The following NUP42 variants were observed in gnomAD, a reference collection of about 807,000 sequenced individuals.
The protein encoded by NUP42 is nucleoporin 42.
A neutral mutation model predicts 35.9 loss-of-function variants in NUP42; 47 were observed. That is an observed-to-expected ratio of 1.31 (90% confidence interval 1.04 to 1.67). NUP42 has a LOEUF of 1.67. Ranked by LOEUF, NUP42 falls within the 40% of genes most tolerant of loss-of-function variation. The probability of loss-of-function intolerance (pLI) is 0.00; values close to 1 mark genes in which losing one functional copy is unlikely to be tolerated. For missense variants in NUP42, 514 were observed against 492.2 expected (o/e 1.04, Z -0.42); for synonymous variants, 173 against 173.3 (o/e 1.00, Z 0.01).
At chr7:23,192,566 AAAAG>A (rs373011476) in intron 3 of NUP42, among the ~76,000 whole-genome samples, 14 of 151,178 alleles carry the variant, frequency 9.3e-5, no homozygotes, top group South Asian at 2.1e-4. Flanking sequence ...AAAAAAAAGA[AAAAG>A]AAAATCATAA....
At chr7:23,187,199 A>G (rs1785623859) in intron 3 of NUP42, 53 bp downstream of exon 3, 3 of 1,234,088 alleles carry the variant, frequency 2.4e-6, no homozygotes, top group South Asian at 1.3e-5. Flanking sequence ...ATTATTTTCT[A>G]AAACCAAAAG....
At chr7:23,200,115 T>G (rs1583782194) in intron 6 of NUP42, 53 bp from the exon 7 acceptor site, 5 of 1,248,592 alleles carry the variant, frequency 4.0e-6, no homozygotes, top group Admixed American at 2.8e-5. Flanking sequence ...TGTGACATTT[T>G]TCTGACCGTA....
rs747955423 is a variant in NUP42, at chr7:23,185,183, T to C, written c.235T>C (p.Tyr79His). 3.7e-6 allele frequency: 6 copies of C among 1,614,154 alleles called. No homozygotes were observed. In the Admixed American group the frequency reaches 5.0e-5, roughly 13 times the overall value. ...GGGCAGCAGAGATCAAGAAAAGCCA[T>C]ATTTCAGTTCTTTTGATTCTGGAGC... Reference protein sequence around the residue: ...WGGSRDQEKPYFSSFDSGAST... With the variant: ...WGGSRDQEKPHFSSFDSGAST... The change falls in exon 2 of 7, where the codon TAT becomes CAT. Residue 79 changes from tyrosine (Y) to histidine (H), a missense_variant. Physicochemically the swap from Tyr to His is moderately conservative, Grantham distance 83. Transcript: ENST00000258742.
chr7:23,185,153 TGG>T lies in NUP42; in HGVS notation c.211_212del (p.Gly71GlnfsTer13). 1.2e-6 allele frequency: 2 copies of T among 1,614,004 alleles called. No homozygotes were observed. The highest frequency in any genetic ancestry group is 1.7e-6 in the Non-Finnish European group (2 of 1,179,978). On this transcript the variant is annotated frameshift_variant, in exon 2 of 7. Transcript: ENST00000258742. LOFTEE classifies it high-confidence loss of function. ...ATCCAGTTTCTCCAAATCCACACCA[TGG>T]GGGGGCAGCAGAGATCAAGAAAAGC... ...QPSSFSKSTPWGGSRDQEKPY... is the reference protein window; with the variant it reads ...QPSSFSKSTPXGGSRDQEKPY...
chr7:23,184,330 A>G (rs754042497), intron 1 of NUP42, among the ~76,000 whole-genome samples: 26 of 152,306 alleles, frequency 1.7e-4, no homozygotes, highest in Non-Finnish European at 2.8e-4. Context: ...CTTTAATTCA[A>G]TGTCCATTTT....
intron 3 of NUP42, chr7:23,187,938 C>CTG: frequency 1.0e-5 from 2 of 195,458 alleles, no homozygotes; most frequent in African/African-American, 2.8e-5. Context: ...TATTCTCTGT[C>CTG]TCTCTCTCTC....
Position 23,200,654 on chromosome 7 carries a change from C to T in NUP42, c.1181C>T (p.Thr394Ile). The T allele has an allele frequency of 6.2e-7, 1 of 1,613,342 alleles. No individual in the cohort carries two copies. The highest frequency in any genetic ancestry group is 1.1e-5 in the South Asian group (1 of 90,816). ...TTATTCACACCCAGAGATAAACTAA[C>T]AGTAGAAGAACTGGAACAATTTCAA... ...NVLFTPRDKL[T>I]VEELEQFQSK... The change falls in exon 7 of 7, where the codon ACA (threonine) becomes ATA (isoleucine). Residue 394 changes from threonine (T) to isoleucine (I), a missense_variant. Thr to Ile is a moderately conservative substitution (Grantham distance 89). Transcript: ENST00000258742.
chr7:23,193,664 C>T (rs1292632177), intron 3 of NUP42, among the ~76,000 whole-genome samples: 1 of 152,232 alleles, frequency 6.6e-6, no homozygotes, highest in Non-Finnish European at 1.5e-5. Flanking sequence ...CCCAGCTGGC[C>T]TCACCCAGTG....
intron 1 of NUP42, among the ~76,000 whole-genome samples, chr7:23,183,023 A>T (rs1016343409): frequency 2.6e-5 from 4 of 152,138 alleles, no homozygotes; most frequent in Non-Finnish European, 5.9e-5. Context: ...GGAATGTGGG[A>T]CGCCCAGTTA....
Position 23,198,205 on chromosome 7 carries a change from C to CTTTTTTTTTTTTTTTT in NUP42, c.610-1243_610-1228dup, listed in dbSNP as rs1172738995. 7.1e-4 allele frequency: 52 copies of CTTTTTTTTTTTTTTTT among 73,678 alleles called. 6 individuals are homozygous for CTTTTTTTTTTTTTTTT. Among genetic ancestry groups the CTTTTTTTTTTTTTTTT allele is most frequent in the African/African-American group, 3.2e-3 (52 of 16,394 alleles). The allele number at this position is 73,678 out of a possible 1,614,324, so 4.6% of individuals were successfully genotyped here. A position where few individuals can be genotyped will look rare whatever the true frequency, so the allele number is the denominator to read the frequency against. ...TTGCAGTCTCAAAAACAAAAGCATT[C>CTTTTTTTTTTTTTTTT]TTTTTTTTTTTTTTTTTTTTTTTTT... On this transcript the variant is annotated intron_variant, in intron 5 of 6. Transcript: ENST00000258742.
intron 4 of NUP42, 62 bp from the exon 5 acceptor site, chr7:23,196,618 A>T: frequency 8.3e-7 from 1 of 1,199,026 alleles, no homozygotes; most frequent in African/African-American, 1.5e-5. Context: ...TGAAGTTTTT[A>T]TTGAAGAAAC....
rs2128472412 is a variant in NUP42, at chr7:23,185,146, C to T, written c.198C>T (p.Ser66=). The change falls in exon 2 of 7, where the codon TCC becomes TCT. Residue 66 remains serine (S), a synonymous_variant. Coordinates refer to ENST00000258742, the MANE Select transcript of NUP42 (RefSeq NM_007342.3). ...TCCAGCCATCCAGTTTCTCCAAATC[C>T]ACACCATGGGGGGGCAGCAGAGATC... is the stretch of plus-strand genomic sequence containing the variant. The part of the protein sequence containing the change: ...NVIQPSSFSK[S]TPWGGSRDQE... 1.9e-6 allele frequency: 3 copies of T among 1,614,094 alleles called. No homozygotes were observed. The Middle Eastern group carries it at 4.9e-4, about 266-fold the overall frequency.
chr7:23,189,246 G>C (rs747866555), intron 3 of NUP42, among the ~76,000 whole-genome samples: 2 of 152,178 alleles, frequency 1.3e-5, no homozygotes, highest in Non-Finnish European at 2.9e-5. Context: ...TTGAAATTAC[G>C]GAAAACTTTG....
In NUP42 at chr7:23,200,175, A is replaced by G; in HGVS notation, c.702A>G (p.Pro234=). ...TGTTGTTGTTGTTTGTAGGCTTTCC[A>G]GTCAATAACAGCAGCAGTGATAATG... The part of the protein sequence containing the change: ...QAATFMSPGF[P]VNNSSSDNAQ... The change falls in exon 7 of 7, where the codon CCA becomes CCG. Residue 234 remains proline, a synonymous_variant. Coordinates refer to ENST00000258742, the MANE Select transcript of NUP42 (RefSeq NM_007342.3). The G allele has an allele frequency of 1.3e-6, 2 of 1,555,596 alleles. No individual in the cohort carries two copies. The highest frequency in any genetic ancestry group is 1.2e-5 in the South Asian group (1 of 82,184).
Position 23,193,153 on chromosome 7 carries a change from G to A in NUP42, c.446-2686G>A, listed in dbSNP as rs577684496. 4.7e-4 allele frequency among the ~76,000 whole-genome samples: 71 copies of A among 152,224 alleles called. 1 individual carries two copies. In the South Asian group the frequency reaches 8.1e-3, roughly 17 times the overall value. The stretch of plus-strand genomic sequence containing the variant: ...CAGGAGTGAGGCTGAAGACCTTCGC[G>A]GTGAGTGTTACAGCTCATAAAGGCA... On this transcript the variant is annotated intron_variant, in intron 3 of 6. Transcript: ENST00000258742.
At chr7:23,197,005 C>T (rs557527895) in intron 5 of NUP42, among the ~76,000 whole-genome samples, 6 of 152,178 alleles carry the variant, frequency 3.9e-5, no homozygotes, top group African/African-American at 1.4e-4. Context: ...AAGTTTTTAA[C>T]TTTGGTAGTG....
At chr7:23,187,411 T>C (rs564137574) in intron 3 of NUP42, 23 of 262,330 alleles carry the variant, frequency 8.8e-5, no homozygotes, top group African/African-American at 4.7e-4. Flanking sequence ...ATTCCCTGTA[T>C]GTACAACTTT....
chr7:23,198,777 C>T (rs1583780338), intron 5 of NUP42, among the ~76,000 whole-genome samples: 1 of 152,056 alleles, frequency 6.6e-6, no homozygotes, highest in East Asian at 1.9e-4. Flanking sequence ...ACTGGGTATT[C>T]TATAAAGGTC....
intron 3 of NUP42, among the ~76,000 whole-genome samples, chr7:23,190,070 G>A (rs377531953): frequency 7.7e-4 from 117 of 152,320 alleles, no homozygotes; most frequent in African/African-American, 2.7e-3. Flanking sequence ...TGATAAACCA[G>A]TGAATGTTAA....
Sources: allele counts gnomAD v4.1 joint callset (sites outside exome capture counted in the v4.1 genomes callset), GRCh38; gene constraint gnomAD v4.1.1; transcripts MANE v1.5; gene names NCBI Gene and HGNC (gene_info 2026-07-23, HGNC 2026-07-21).